The following GRAMD2B variants were observed in gnomAD, a reference collection of about 807,000 sequenced individuals.
The protein encoded by GRAMD2B is GRAM domain containing 2B, also known as GRAM domain-containing protein 2B.
A neutral mutation model predicts 59.2 loss-of-function variants in GRAMD2B; 41 were observed. The ratio of observed to expected loss-of-function variants is 0.69; its 90% CI spans 0.54 to 0.90. The LOEUF is 0.90. Among genes scored for constraint, GRAMD2B ranks in the 40% least tolerant of loss-of-function variants. The pLI is 0.00. For missense variants in GRAMD2B, 424 were observed against 500.5 expected (o/e 0.85, Z 1.46); for synonymous variants, 161 against 182.7 (o/e 0.88, Z 0.96).
rs116646986 is a variant in GRAMD2B, at chr5:126,488,806, G to A, written c.1171G>A (p.Ala391Thr). 1,916 of 1,611,542 alleles carry A rather than the reference G, an allele frequency of 1.2e-3. 22 individuals carry two copies. The African/African-American group carries it at 0.022, about 19-fold the overall frequency. ...TTCTCTTTTTTCTTACAGACAGGCA[G>A]CACCATCTGGCCTGAGGTCACAAGT... The part of the protein sequence containing the change: ...IVDTHNTEQA[A>T]PSGLRSQVQF... The change falls in exon 13 of 14, where the codon GCA becomes ACA. Residue 391 changes from alanine (A) to threonine (T), a missense_variant. Coordinates refer to ENST00000285689, the MANE Select transcript of GRAMD2B (RefSeq NM_023927.4).
intron 1 of GRAMD2B, among the ~76,000 whole-genome samples, chr5:126,403,396 T>C (rs1040405315): frequency 3.9e-5 from 6 of 152,004 alleles, no homozygotes; most frequent in African/African-American, 1.2e-4. Flanking sequence ...TAATAATGAA[T>C]TACAAAATGC....
At chr5:126,411,796 T>C (rs566372141) in intron 1 of GRAMD2B, among the ~76,000 whole-genome samples, 1 of 151,454 alleles carries the variant, frequency 6.6e-6, no homozygotes, top group South Asian at 2.1e-4. Flanking sequence ...TGTTTTATAG[T>C]TCTCCTTGTA....
chr5:126,432,625 T>G (rs1254612642), intron 1 of GRAMD2B, among the ~76,000 whole-genome samples: 2 of 152,062 alleles, frequency 1.3e-5, no homozygotes, highest in South Asian at 2.1e-4. Context: ...TTAAATATTA[T>G]GCAGGTTACT....
rs35983190 is a variant in GRAMD2B at position 126,453,348 on chromosome 5, GAA to G, written c.84-12060_84-12059del. Among the ~76,000 whole-genome samples, 811 of 128,196 alleles carry G rather than the reference GAA, an allele frequency of 6.3e-3. 6 individuals carry two copies. Among genetic ancestry groups the G allele is most frequent in the African/African-American group, 0.018 (616 of 33,936 alleles). The allele number at this position is 128,196 out of a possible 152,430, so 84.1% of individuals were successfully genotyped here. ...AGACTCCATCTTCTCCATCTTAAAA[GAA>G]AAAAAAAAAAAAAAAAAGGAATGAA... On this transcript the variant is annotated intron_variant, in intron 1 of 13. Coordinates refer to ENST00000285689, the MANE Select transcript of GRAMD2B (RefSeq NM_023927.4).
intron 1 of GRAMD2B, among the ~76,000 whole-genome samples, chr5:126,379,150 T>C (rs1755448950): frequency 6.6e-6 from 1 of 150,554 alleles, no homozygotes; most frequent in Non-Finnish European, 1.5e-5. Flanking sequence ...AGTGAGAACA[T>C]ACGATATTTG....
At chr5:126,389,910 T>G (rs535013857) in intron 1 of GRAMD2B, among the ~76,000 whole-genome samples, 1 of 152,228 alleles carries the variant, frequency 6.6e-6, no homozygotes, top group Non-Finnish European at 1.5e-5. Context: ...ATCATGCCAC[T>G]GCACTCCAAC....
chr5:126,460,453 A>T (rs373951664), intron 1 of GRAMD2B, among the ~76,000 whole-genome samples: 3 of 152,228 alleles, frequency 2.0e-5, no homozygotes, highest in South Asian at 4.1e-4. Flanking sequence ...ATTCTTCTTG[A>T]CTTGTAAAAA....
intron 1 of GRAMD2B, among the ~76,000 whole-genome samples, chr5:126,450,899 C>G (rs77914690): frequency 0.032 from 4,891 of 152,270 alleles, 121 homozygotes; most frequent in Non-Finnish European, 0.046. Flanking sequence ...CAGGCAGAAG[C>G]CTGTCGCGCG....
chr5:126,362,951 A>G (rs1754283810), intron 1 of GRAMD2B, among the ~76,000 whole-genome samples: 1 of 152,214 alleles, frequency 6.6e-6, no homozygotes, highest in Non-Finnish European at 1.5e-5. Context: ...CAAGTGATAA[A>G]AGAGAAAATT....
At chr5:126,394,466 T>C (rs896640722) in intron 1 of GRAMD2B, among the ~76,000 whole-genome samples, 1 of 152,126 alleles carries the variant, frequency 6.6e-6, no homozygotes, top group Admixed American at 6.6e-5. Context: ...GTCCAATCAT[T>C]GTAAAAAAGA....
At chr5:126,367,018 G>C (rs972132844), upstream of GRAMD2B, among the ~76,000 whole-genome samples, 1 of 151,832 alleles carries the variant, frequency 6.6e-6, no homozygotes, top group African/African-American at 2.4e-5. Context: ...ACCACACCTG[G>C]CTAATTTTTG....
At chr5:126,454,481 T>A (rs1462615831) in intron 1 of GRAMD2B, among the ~76,000 whole-genome samples, 3 of 152,128 alleles carry the variant, frequency 2.0e-5, no homozygotes, top group African/African-American at 7.2e-5. Flanking sequence ...ATCAAGCTAG[T>A]TTGAGTTGGG....
At chr5:126,361,583 C>T (rs1381015273) in intron 1 of GRAMD2B, among the ~76,000 whole-genome samples, 1 of 151,354 alleles carries the variant, frequency 6.6e-6, no homozygotes, top group Non-Finnish European at 1.5e-5. Flanking sequence ...AGAAATTACA[C>T]AATGAATAAA....
chr5:126,404,428 A>G (rs1166537857), intron 1 of GRAMD2B, among the ~76,000 whole-genome samples: 1 of 151,892 alleles, frequency 6.6e-6, no homozygotes, highest in African/African-American at 2.4e-5. Context: ...AAGTCAGTGC[A>G]TGCTTGATGT....
upstream of GRAMD2B, among the ~76,000 whole-genome samples, chr5:126,369,270 T>TTGAA (rs33935788): frequency 4.3e-3 from 657 of 151,504 alleles, 2 homozygotes; most frequent in African/African-American, 0.014. Flanking sequence ...TAAATACTTG[T>TTGAA]TGAATGAATG....
intron 11 of GRAMD2B, 138 bp from the exon 12 acceptor site, chr5:126,486,735 G>A: frequency 1.7e-6 from 1 of 604,634 alleles, no homozygotes. Flanking sequence ...GTTTAAAAAG[G>A]ATGTTTTTAA....
At chr5:126,471,150 A>T (rs1052293520) in intron 3 of GRAMD2B, among the ~76,000 whole-genome samples, 1 of 152,154 alleles carries the variant, frequency 6.6e-6, no homozygotes, top group Non-Finnish European at 1.5e-5. Context: ...TTTGCCATTG[A>T]GACCACTCTT....
chr5:126,368,249 C>T (rs1424896356), upstream of GRAMD2B, among the ~76,000 whole-genome samples: 1 of 152,158 alleles, frequency 6.6e-6, no homozygotes, highest in Non-Finnish European at 1.5e-5. Flanking sequence ...TTAATTTGCA[C>T]ACACACAAAT....
intron 1 of GRAMD2B, among the ~76,000 whole-genome samples, chr5:126,405,109 A>C (rs1758158701): frequency 6.6e-6 from 1 of 151,800 alleles, no homozygotes; most frequent in South Asian, 2.1e-4. Context: ...AAAGATTTTA[A>C]TCCTGACTAT....
Sources: gnomAD v4.1 joint callset for allele counts (sites outside exome capture counted in the v4.1 genomes callset) on GRCh38, gnomAD v4.1.1 for gene constraint, MANE v1.5 for transcripts, NCBI Gene and HGNC (gene_info 2026-07-23, HGNC 2026-07-21) for gene names.